The following NRCAM variants were observed in gnomAD, a reference collection of about 807,000 sequenced individuals.
NRCAM encodes the protein neuronal cell adhesion molecule.
A neutral mutation model predicts 156.5 loss-of-function variants in NRCAM; 83 were observed. That is an observed-to-expected ratio of 0.53 (90% CI 0.44 to 0.64). The LOEUF is 0.64. Ranked by LOEUF, NRCAM falls within the 30% of genes least tolerant of loss-of-function variation. NRCAM has a pLI of 0.00. For missense variants in NRCAM, 1,417 were observed against 1,597.3 expected, an observed-to-expected ratio of 0.89 and a Z score of 1.92; for synonymous variants, 538 against 563.9, an observed-to-expected ratio of 0.95 and a Z score of 0.65.
chr7:108,272,591 A>G lies in NRCAM; in HGVS notation c.-106-32421T>C, dbSNP rs1387120359. Among the ~76,000 whole-genome samples the G allele has an allele frequency of 2.6e-5, 4 of 152,060 alleles. No individual in the cohort carries two copies. In the South Asian group the frequency reaches 8.3e-4, roughly 31 times the overall value. ...ACTGGGGGTGTTATAAAACATTTAT[A>G]TATGTTATACATATTTTTATATATT... is the stretch of plus-strand genomic sequence containing the variant. On this transcript the variant is annotated intron_variant, in intron 3 of 32. Coordinates refer to ENST00000379028, the MANE Select transcript of NRCAM (RefSeq NM_001037132.4).
At chr7:108,372,128 C>T (rs563677296) in intron 2 of NRCAM, among the ~76,000 whole-genome samples, 1 of 152,244 alleles carries the variant, frequency 6.6e-6, no homozygotes, top group Middle Eastern at 3.4e-3. Flanking sequence ...AGAATCTTAT[C>T]TTCAGCAAAT....
intron 2 of NRCAM, among the ~76,000 whole-genome samples, chr7:108,372,823 T>C (rs190614384): frequency 1.3e-5 from 2 of 152,250 alleles, no homozygotes; most frequent in East Asian, 3.9e-4. Flanking sequence ...AGAACTACCA[T>C]ATGATCCAGC....
intron 13 of NRCAM, among the ~76,000 whole-genome samples, chr7:108,204,094 C>T (rs1162452075): frequency 1.3e-5 from 2 of 152,168 alleles, no homozygotes; most frequent in East Asian, 3.9e-4. Context: ...ACTGGTGCTC[C>T]GTTTCCAGGA....
intron 3 of NRCAM, among the ~76,000 whole-genome samples, chr7:108,305,282 A>T (rs1408547291): frequency 6.6e-6 from 1 of 152,238 alleles, no homozygotes; most frequent in Admixed American, 6.5e-5. Context: ...ATTCTCAGTA[A>T]GAGAGAAATG....
intron 2 of NRCAM, among the ~76,000 whole-genome samples, chr7:108,318,972 C>G (rs780749507): frequency 7.9e-5 from 12 of 152,132 alleles, no homozygotes; most frequent in Admixed American, 3.3e-4. Context: ...AAAAAATGTT[C>G]TATAAATCTA....
intron 2 of NRCAM, among the ~76,000 whole-genome samples, chr7:108,398,811 C>T (rs1461031602): frequency 6.6e-6 from 1 of 152,154 alleles, no homozygotes; most frequent in Non-Finnish European, 1.5e-5. Flanking sequence ...GTGCCTGTCT[C>T]TTGCATTTGG....
chr7:108,365,865 T>G (rs772458034), intron 2 of NRCAM, among the ~76,000 whole-genome samples: 3 of 152,228 alleles, frequency 2.0e-5, no homozygotes, highest in Non-Finnish European at 1.5e-5. Context: ...TATTGGATAT[T>G]TAAGTAACAT....
At chr7:108,278,289 G>A (rs372969854) in intron 3 of NRCAM, among the ~76,000 whole-genome samples, 2 of 152,216 alleles carry the variant, frequency 1.3e-5, no homozygotes, top group African/African-American at 4.8e-5. Context: ...AGGCAGGGAC[G>A]TTTAAGTCTG....
chr7:108,366,620 T>C (rs1215985321), intron 2 of NRCAM, among the ~76,000 whole-genome samples: 5 of 152,180 alleles, frequency 3.3e-5, no homozygotes, highest in Admixed American at 2.6e-4. Flanking sequence ...AAAGAGTTGT[T>C]ACTGAGAATT....
Position 108,223,727 on chromosome 7 carries a change from T to A in NRCAM, c.888A>T (p.Gly296=). 1 of 1,479,762 alleles carries A rather than the reference T, an allele frequency of 6.8e-7. No homozygotes were observed. Among genetic ancestry groups the A allele is most frequent in the Non-Finnish European group, 9.5e-7 (1 of 1,058,130 alleles). The allele number at this position is 1,479,762 out of a possible 1,614,324, so 91.7% of individuals were successfully genotyped here. A position where few individuals can be genotyped will look rare whatever the true frequency, so the allele number is the denominator to read the frequency against. The change falls in exon 11 of 33, where the codon GGA becomes GGT. Residue 296 remains glycine (G), a splice_region_variant and synonymous_variant. Coordinates refer to ENST00000379028, the MANE Select transcript of NRCAM (RefSeq NM_001037132.4). ...NVLSLECIAE[G]LPTPIIYWAK... is the part of the protein sequence containing the mutation. The stretch of plus-strand genomic sequence containing the variant: ...CAGGACAGAAAGTGTTAACTCACAG[T>A]CCTTCTGCAATGCACTCCAGTGAAA...
chr7:108,151,130 G>GTA (rs1287555871), intron 32 of NRCAM, among the ~76,000 whole-genome samples: 1 of 152,044 alleles, frequency 6.6e-6, no homozygotes, highest in Non-Finnish European at 1.5e-5. Flanking sequence ...AAGACAAAGA[G>GTA]TAATCATTAT....
intron 3 of NRCAM, among the ~76,000 whole-genome samples, chr7:108,312,030 T>G (rs2098810010): frequency 6.6e-6 from 1 of 152,158 alleles, no homozygotes; most frequent in South Asian, 2.1e-4. Context: ...CTATAATAGA[T>G]GGCCTTTCAG....
intron 3 of NRCAM, among the ~76,000 whole-genome samples, chr7:108,271,027 C>A (rs1035714828): frequency 6.6e-6 from 1 of 152,014 alleles, no homozygotes; most frequent in African/African-American, 2.4e-5. Context: ...CAGAATTTGT[C>A]TAGCAGGTTT....
chr7:108,388,226 T>C (rs1482725834), intron 2 of NRCAM, among the ~76,000 whole-genome samples: 2 of 152,164 alleles, frequency 1.3e-5, no homozygotes, highest in South Asian at 2.1e-4. Context: ...ACCTGTTGTT[T>C]CCTGACTTTT....
intron 3 of NRCAM, among the ~76,000 whole-genome samples, chr7:108,290,121 G>A (rs1405030260): frequency 6.6e-6 from 1 of 152,054 alleles, no homozygotes; most frequent in Non-Finnish European, 1.5e-5. Context: ...GCCAACAAAG[G>A]TTAACATTCA....
At chr7:108,233,654 G>T (rs1386300841) in intron 6 of NRCAM, among the ~76,000 whole-genome samples, 1 of 152,116 alleles carries the variant, frequency 6.6e-6, no homozygotes, top group East Asian at 1.9e-4. Context: ...ACCTTTGCTG[G>T]AAGTTTTGAC....
intron 3 of NRCAM, among the ~76,000 whole-genome samples, chr7:108,270,296 C>T (rs1325516276): frequency 6.6e-6 from 1 of 152,154 alleles, no homozygotes; most frequent in African/African-American, 2.4e-5. Context: ...AAGAAAACTA[C>T]CTAGTGATGC....
chr7:108,251,163 A>AAT (rs1312066370), intron 3 of NRCAM, among the ~76,000 whole-genome samples: 1 of 152,168 alleles, frequency 6.6e-6, no homozygotes, highest in Non-Finnish European at 1.5e-5. Flanking sequence ...TCTAAAGATA[A>AAT]ATATTTGTAC....
intron 11 of NRCAM, among the ~76,000 whole-genome samples, chr7:108,223,337 T>C (rs2092796973): frequency 6.6e-6 from 1 of 152,210 alleles, no homozygotes; most frequent in African/African-American, 2.4e-5. Context: ...CTATTATTTT[T>C]AAGCCACTAA....
Sources: gnomAD v4.1 joint callset for allele counts (sites outside exome capture counted in the v4.1 genomes callset) on GRCh38, gnomAD v4.1.1 for gene constraint, MANE v1.5 for transcripts, NCBI Gene and HGNC (gene_info 2026-07-23, HGNC 2026-07-21) for gene names.